Variants in TXLNB observed in about 807,000 individuals in gnomAD.
TXLNB encodes taxilin beta, also known as beta-taxilin.
In TXLNB, 37 loss-of-function variants were observed where a neutral mutation model predicts 57.4. The ratio of observed to expected loss-of-function variants is 0.64; its 90% confidence interval spans 0.50 to 0.85. The LOEUF is 0.85. Among genes scored for constraint, TXLNB ranks in the 40% least tolerant of loss-of-function variants. The pLI is 0.00. For synonymous variants in TXLNB, 302 were observed against 309.6 expected (o/e 0.98, Z 0.26); for missense variants, 848 against 825.6 (o/e 1.03, Z -0.33).
At chr6:139,190,255 T>A in the TXLNB span, among the ~76,000 whole-genome samples, 2 of 151,684 alleles carry the variant, frequency 1.3e-5, no homozygotes, top group Non-Finnish European at 2.9e-5. Context: ...GAGTCTAAGA[T>A]CAAGGTGCCA....
At chr6:139,196,068 A>G in the TXLNB span, among the ~76,000 whole-genome samples, 1 of 152,112 alleles carries the variant, frequency 6.6e-6, no homozygotes, top group East Asian at 1.9e-4. Flanking sequence ...AAGACATAAT[A>G]GTTGTCAGCA....
the TXLNB span, among the ~76,000 whole-genome samples, chr6:139,311,520 T>A: frequency 6.9e-6 from 1 of 144,888 alleles, no homozygotes; most frequent in Non-Finnish European, 1.5e-5. Flanking sequence ...TGGGGGGGTG[T>A]GCGTGATTAT....
intron 6 of TXLNB, among the ~76,000 whole-genome samples, chr6:139,258,386 A>C (rs1403273720): frequency 6.6e-6 from 1 of 152,218 alleles, no homozygotes; most frequent in African/African-American, 2.4e-5. Flanking sequence ...TTACCCAAGA[A>C]GGTAATTACA....
the TXLNB span, among the ~76,000 whole-genome samples, chr6:139,308,877 C>T: frequency 6.6e-6 from 1 of 152,214 alleles, no homozygotes; most frequent in Non-Finnish European, 1.5e-5. Flanking sequence ...AGTAAAACAA[C>T]AGTGAATGCT....
chr6:139,226,190 C>T, the TXLNB span, among the ~76,000 whole-genome samples: 3 of 146,610 alleles, frequency 2.0e-5, no homozygotes, highest in South Asian at 2.2e-4. Flanking sequence ...CCCAGCTACT[C>T]GGGAGGCTGA....
the TXLNB span, among the ~76,000 whole-genome samples, chr6:139,309,108 C>G: frequency 2.0e-5 from 3 of 152,178 alleles, no homozygotes; most frequent in Non-Finnish European, 4.4e-5. Context: ...TGCAATGATG[C>G]AGGGAGCAGA....
intron 7 of TXLNB, among the ~76,000 whole-genome samples, chr6:139,254,339 G>GTGTGTGTGTT (rs1562275379): frequency 2.0e-5 from 3 of 151,832 alleles, no homozygotes; most frequent in Non-Finnish European, 2.9e-5. Context: ...GTGTGTGTGT[G>GTGTGTGTGTT]TTTACAGTGA....
chr6:139,216,347 C>A, the TXLNB span, among the ~76,000 whole-genome samples: 2 of 150,990 alleles, frequency 1.3e-5, no homozygotes, highest in Admixed American at 1.3e-4. Flanking sequence ...AGCTGGAAAC[C>A]ATCATTCTCA....
chr6:139,267,937 G>T (rs1325458877), intron 4 of TXLNB, among the ~76,000 whole-genome samples: 1 of 152,082 alleles, frequency 6.6e-6, no homozygotes, highest in African/African-American at 2.4e-5. Context: ...TAGATCACAA[G>T]CTCAGGAGTT....
the TXLNB span, among the ~76,000 whole-genome samples, chr6:139,193,838 A>AT: frequency 0.013 from 673 of 52,674 alleles, 8 homozygotes; most frequent in East Asian, 0.049. Context: ...ATATATATAT[A>AT]TATTTTTTTT....
chr6:139,297,211 T>C, the TXLNB span, among the ~76,000 whole-genome samples: 1 of 152,206 alleles, frequency 6.6e-6, no homozygotes, highest in Non-Finnish European at 1.5e-5. Flanking sequence ...CTTCCCTTTT[T>C]CTGCCTTTTT....
the TXLNB span, among the ~76,000 whole-genome samples, chr6:139,201,241 G>A: frequency 6.6e-6 from 1 of 152,194 alleles, no homozygotes; most frequent in African/African-American, 2.4e-5. Context: ...ATGGAGGCCA[G>A]TGTTTTGGAC....
chr6:139,242,032 C>T lies in TXLNB; in HGVS notation c.*494G>A, dbSNP rs1337987233. 7.1e-6 allele frequency: 1 copy of T among 140,360 alleles called. No individual in the cohort carries two copies. Among genetic ancestry groups the T allele is most frequent in the Non-Finnish European group, 1.5e-5 (1 of 66,792 alleles). The allele number at this position is 140,360 out of a possible 1,614,324, so 8.7% of individuals were successfully genotyped here. A position where few individuals can be genotyped will look rare whatever the true frequency, so the allele number is the denominator to read the frequency against. ...ATAAACAAATATTCACACATCTATA[C>T]ATACGTGTATATATACATATAATAA... On this transcript the variant is annotated 3_prime_UTR_variant, in exon 10 of 10. Transcript: ENST00000358430.
At chr6:139,279,053 G>A (rs1776978226) in intron 2 of TXLNB, among the ~76,000 whole-genome samples, 1 of 152,174 alleles carries the variant, frequency 6.6e-6, no homozygotes, top group Non-Finnish European at 1.5e-5. Context: ...AATAAACACT[G>A]TCATGAAAAC....
chr6:139,266,940 T>C (rs942982396), intron 4 of TXLNB, among the ~76,000 whole-genome samples: 13 of 142,878 alleles, frequency 9.1e-5, no homozygotes, highest in African/African-American at 3.5e-4. Flanking sequence ...GCCAGTATAG[T>C]GGCACATTTA....
intron 2 of TXLNB, among the ~76,000 whole-genome samples, chr6:139,278,931 GA>G (rs1776974023): frequency 6.6e-6 from 1 of 152,290 alleles, no homozygotes; most frequent in South Asian, 2.1e-4. Context: ...TTGAACCCAG[GA>G]GGCAGAGATT....
At chr6:139,268,151 CAA>C (rs59647726) in intron 4 of TXLNB, among the ~76,000 whole-genome samples, 1,133 of 64,478 alleles carry the variant, frequency 0.018, 1 homozygote, top group African/African-American at 0.048. Context: ...CTCCATCTCA[CAA>C]AAAAAAAAAA....
At chr6:139,314,919 C>T in the TXLNB span, among the ~76,000 whole-genome samples, 1 of 152,168 alleles carries the variant, frequency 6.6e-6, no homozygotes, top group Non-Finnish European at 1.5e-5. Flanking sequence ...AAAAGACCCC[C>T]TTCTTGCCTG....
chr6:139,297,593 T>C, the TXLNB span, among the ~76,000 whole-genome samples: 1 of 152,218 alleles, frequency 6.6e-6, no homozygotes, highest in Non-Finnish European at 1.5e-5. Flanking sequence ...GAATTCCAGA[T>C]CTGTCTTTTA....
Sources: gnomAD v4.1 joint callset for allele counts (sites outside exome capture counted in the v4.1 genomes callset) on GRCh38, gnomAD v4.1.1 for gene constraint, MANE v1.5 for transcripts, NCBI Gene and HGNC (gene_info 2026-07-23, HGNC 2026-07-21) for gene names.